Variants in SNX29 observed in about 807,000 individuals in gnomAD.
SNX29 encodes the protein sorting nexin 29.
Under a neutral mutation model 102.1 loss-of-function variants are expected in SNX29, and 78 were observed. The observed-to-expected ratio is 0.76, with a 90% CI of 0.64 to 0.92. The LOEUF (loss-of-function observed/expected upper bound fraction) is 0.92, where lower values mean the gene tolerates loss of function less well. Among genes scored for constraint, SNX29 ranks in the 40% least tolerant of loss-of-function variants. The probability of loss-of-function intolerance (pLI) is 0.00; values close to 1 mark genes in which losing one functional copy is unlikely to be tolerated. For synonymous variants in SNX29, 580 were observed against 414.5 expected (o/e 1.40, Z -4.85); for missense variants, 1,280 against 1,061.7 (o/e 1.21, Z -2.86).
At chr16:12,143,748 T>C (rs1224752038) in intron 13 of SNX29, among the ~76,000 whole-genome samples, 3 of 152,252 alleles carry the variant, frequency 2.0e-5, no homozygotes, top group Non-Finnish European at 4.4e-5. Context: ...GCAGTTAATC[T>C]AGCCTGCTGT....
Position 12,571,184 on chromosome 16 carries a change from G to T in SNX29, c.*2555G>T, listed in dbSNP as rs1200447786. On this transcript the variant is annotated 3_prime_UTR_variant, in exon 21 of 21. Transcript: ENST00000566228. ...CCCGTCCTGCTCTCTAGTGTGGTGG[G>T]ATGAACTTCAGGCAACAAACAACTG... 4.3e-6 allele frequency: 1 copy of T among 232,432 alleles called. No individual in the cohort carries two copies. The allele number at this position is 232,432 out of a possible 1,614,324, so 14.4% of individuals were successfully genotyped here. A position where few individuals can be genotyped will look rare whatever the true frequency, so the allele number is the denominator to read the frequency against.
intron 18 of SNX29, among the ~76,000 whole-genome samples, chr16:12,408,268 C>A (rs1250385011): frequency 6.6e-6 from 1 of 152,234 alleles, no homozygotes; most frequent in African/African-American, 2.4e-5. Flanking sequence ...TGGGCAGCCA[C>A]CTACACCCCT....
intron 20 of SNX29, among the ~76,000 whole-genome samples, chr16:12,564,009 C>T (rs1446021838): frequency 6.6e-6 from 1 of 152,136 alleles, no homozygotes; most frequent in African/African-American, 2.4e-5. Flanking sequence ...CCCTCTTCCC[C>T]CAGGGTAGGG....
chr16:12,525,698 AC>A (rs34182279), intron 20 of SNX29, among the ~76,000 whole-genome samples: 3,403 of 57,016 alleles, frequency 0.06, 83 homozygotes, highest in African/African-American at 0.11. Flanking sequence ...CGCCCCCCCC[AC>A]CCCCCCCCCC....
At chr16:12,558,752 C>T (rs1009781557) in intron 20 of SNX29, among the ~76,000 whole-genome samples, 13 of 152,196 alleles carry the variant, frequency 8.5e-5, no homozygotes, top group Non-Finnish European at 5.9e-5. Flanking sequence ...TGTCCCAGGC[C>T]CATTGGGTGA....
chr16:12,097,029 G>C (rs1567203468), intron 11 of SNX29, among the ~76,000 whole-genome samples: 1 of 152,154 alleles, frequency 6.6e-6, no homozygotes, highest in Non-Finnish European at 1.5e-5. Context: ...TGTGCAAAGG[G>C]GGCTGACAGT....
At chr16:12,070,076 G>T (rs350235) in intron 10 of SNX29, among the ~76,000 whole-genome samples, 128,871 of 152,264 alleles carry the variant, frequency 0.85, 54,932 homozygotes, top group African/African-American at 0.94. Context: ...ATTTGTGAAG[G>T]GCTTAGTATG....
chr16:12,242,166 G>A (rs2078123520), intron 14 of SNX29, among the ~76,000 whole-genome samples: 1 of 152,042 alleles, frequency 6.6e-6, no homozygotes. Flanking sequence ...GTGTATGGGG[G>A]TTTAGGTTTC....
chr16:12,023,585 AAAAAG>A (rs767839983), intron 3 of SNX29, among the ~76,000 whole-genome samples: 236 of 149,508 alleles, frequency 1.6e-3, no homozygotes, highest in Middle Eastern at 0.01. Flanking sequence ...CTCAAAAAAA[AAAAAG>A]AAAAGAAAAG....
At chr16:12,425,943 A>G (rs1232230681) in intron 18 of SNX29, among the ~76,000 whole-genome samples, 1 of 152,128 alleles carries the variant, frequency 6.6e-6, no homozygotes, top group Non-Finnish European at 1.5e-5. Context: ...TTGCAGGCAG[A>G]CAGAACCATC....
intron 16 of SNX29, among the ~76,000 whole-genome samples, chr16:12,360,815 T>C (rs1471195023): frequency 6.6e-6 from 1 of 152,182 alleles, no homozygotes; most frequent in Non-Finnish European, 1.5e-5. Flanking sequence ...TGTTGTATAC[T>C]AAGAACCCTT....
intron 20 of SNX29, among the ~76,000 whole-genome samples, chr16:12,549,267 G>T (rs1160721640): frequency 6.6e-6 from 1 of 152,128 alleles, no homozygotes; most frequent in South Asian, 2.1e-4. Flanking sequence ...AGGCTGAGGT[G>T]GTAGATCACT....
intron 10 of SNX29, among the ~76,000 whole-genome samples, chr16:12,069,358 C>T (rs888686533): frequency 1.3e-5 from 2 of 151,004 alleles, no homozygotes; most frequent in East Asian, 2.0e-4. Flanking sequence ...CTCCGCCTCC[C>T]GAGATCAAGC....
At chr16:12,223,195 C>T (rs780989966) in intron 14 of SNX29, among the ~76,000 whole-genome samples, 52 of 152,288 alleles carry the variant, frequency 3.4e-4, no homozygotes, top group Non-Finnish European at 6.2e-4. Context: ...ACATACCCTC[C>T]CTGGGCCTCA....
chr16:12,001,785 G>A (rs189383422), intron 2 of SNX29, among the ~76,000 whole-genome samples: 23 of 152,134 alleles, frequency 1.5e-4, no homozygotes, highest in Admixed American at 7.2e-4. Context: ...TGAGAGGTTG[G>A]GGCAGGAGGA....
chr16:12,386,889 C>T (rs1335835804), intron 16 of SNX29, among the ~76,000 whole-genome samples: 1 of 151,440 alleles, frequency 6.6e-6, no homozygotes, highest in Non-Finnish European at 1.5e-5. Flanking sequence ...GTTTGGGAGG[C>T]CAAGGCGGGT....
intron 14 of SNX29, among the ~76,000 whole-genome samples, chr16:12,273,201 C>T (rs778029994): frequency 6.6e-6 from 1 of 152,152 alleles, no homozygotes; most frequent in African/African-American, 2.4e-5. Context: ...TTCTGGCCTA[C>T]TCTAGCCAGA....
chr16:12,101,423 G>A (rs2053013543), intron 11 of SNX29, among the ~76,000 whole-genome samples: 1 of 147,460 alleles, frequency 6.8e-6, no homozygotes, highest in Non-Finnish European at 1.5e-5. Flanking sequence ...TCGCTCTGTT[G>A]CCCAGGCTGG....
intron 20 of SNX29, among the ~76,000 whole-genome samples, chr16:12,530,589 C>G (rs998084504): frequency 3.3e-5 from 5 of 150,948 alleles, no homozygotes. Context: ...CAGTTGCGCT[C>G]TTGTCGCCCA....
Sources: gnomAD v4.1 joint callset for allele counts (sites outside exome capture counted in the v4.1 genomes callset) on GRCh38, gnomAD v4.1.1 for gene constraint, MANE v1.5 for transcripts, NCBI Gene and HGNC (gene_info 2026-07-23, HGNC 2026-07-21) for gene names.